Variants in NAALAD2 observed in about 807,000 individuals in gnomAD.
The protein encoded by NAALAD2 is N-acetylated-alpha-linked acidic dipeptidase 2.
A neutral mutation model predicts 95.6 loss-of-function variants in NAALAD2; 89 were observed. The observed-to-expected ratio is 0.93, with a 90% CI of 0.78 to 1.11. The LOEUF (loss-of-function observed/expected upper bound fraction) is 1.11. Among genes scored for constraint, NAALAD2 ranks in the 50% least tolerant of loss-of-function variants. NAALAD2 has a pLI of 0.00. For synonymous variants in NAALAD2, 264 were observed against 294.4 expected, an observed-to-expected ratio of 0.90 and a Z score of 1.06; for missense variants, 894 against 872.4, an observed-to-expected ratio of 1.02 and a Z score of -0.31.
chr11:90,168,946 C>T lies in NAALAD2; in HGVS notation c.1296C>T (p.Leu432=), dbSNP rs776553527. Residue 432 remains leucine, a synonymous_variant, in exon 12 of 19, where the codon CTC becomes CTT. Coordinates refer to ENST00000534061, the MANE Select transcript of NAALAD2 (RefSeq NM_005467.4). ...AACTACAGGAGAATGTCAAAATACT[C>T]CAGGAGAGAAGCATTGCTTATATCA... The part of the protein sequence containing the change: ...TEWAEENVKI[L]QERSIAYINS... The T allele has an allele frequency of 1.4e-5, 23 of 1,607,868 alleles. No homozygotes were observed. The highest frequency in any genetic ancestry group is 2.0e-5 in the Non-Finnish European group (23 of 1,177,532).
chr11:90,163,441 T>C lies in NAALAD2; in HGVS notation c.1195+12T>C. 6.2e-7 allele frequency: 1 copy of C among 1,613,866 alleles called. No homozygotes were observed. The highest frequency in any genetic ancestry group is 8.5e-7 in the Non-Finnish European group (1 of 1,179,890). On this transcript the variant is annotated intron_variant, in intron 10 of 18. Transcript: ENST00000534061. ...ACTGATGAGTAAAGGTAAACAACCT[T>C]TCTTTCCTAGGTGATGACAAAAAGT... is the stretch of plus-strand genomic sequence containing the variant.
At chr11:90,157,511 A>G (rs1952150792) in intron 6 of NAALAD2, among the ~76,000 whole-genome samples, 1 of 152,072 alleles carries the variant, frequency 6.6e-6, no homozygotes, top group Admixed American at 6.6e-5. Flanking sequence ...AGAATCTGGG[A>G]CACATTTTCT....
intron 1 of NAALAD2, chr11:90,135,122 A>AG (rs1049703242): frequency 1.8e-5 from 7 of 390,544 alleles, no homozygotes; most frequent in African/African-American, 6.1e-5. Flanking sequence ...ATGAAAAAAA[A>AG]TCGTTTTATT....
chr11:90,163,669 A>C, intron 11 of NAALAD2, 52 bp downstream of exon 11: 1 of 1,483,386 alleles, frequency 6.7e-7, no homozygotes, highest in Non-Finnish European at 9.4e-7. Flanking sequence ...CAGGGAACAA[A>C]TATGTATGTG....
At chr11:90,140,327 G>A (rs983228560) in intron 2 of NAALAD2, among the ~76,000 whole-genome samples, 1 of 152,004 alleles carries the variant, frequency 6.6e-6, no homozygotes, top group African/African-American at 2.4e-5. Flanking sequence ...GCACCATGTA[G>A]TCTGTAACTG....
At chr11:90,190,557 A>AAG (rs1857293947) in intron 18 of NAALAD2, among the ~76,000 whole-genome samples, 1 of 152,172 alleles carries the variant, frequency 6.6e-6, no homozygotes, top group Admixed American at 6.5e-5. Context: ...AATTCTCCAG[A>AAG]AGAGGGTAAG....
chr11:90,182,650 T>A (rs1743921309), intron 17 of NAALAD2, among the ~76,000 whole-genome samples: 1 of 151,904 alleles, frequency 6.6e-6, no homozygotes, highest in South Asian at 2.1e-4. Flanking sequence ...GTATAGAATG[T>A]CTTTGAGTCC....
At chr11:90,182,175 A>AT (rs1024745483) in intron 17 of NAALAD2, among the ~76,000 whole-genome samples, 83 of 151,914 alleles carry the variant, frequency 5.5e-4, no homozygotes, top group African/African-American at 1.8e-3. Context: ...TTCATGGATA[A>AT]TTTTTTTTGC....
chr11:90,160,562 T>C (rs1247890745), intron 8 of NAALAD2, among the ~76,000 whole-genome samples: 1 of 152,206 alleles, frequency 6.6e-6, no homozygotes, highest in Non-Finnish European at 1.5e-5. Flanking sequence ...GTTTGATTTA[T>C]ATGTGTTTAT....
At position 90,143,017 on chromosome 11, in the gene NAALAD2, T is replaced by C. The variant is rs572468814; in HGVS notation, c.195-4313T>C. ...ATTTACTCTCTCCCCCACCATCCTTTATAAAGTAGCTGTCATATGTATTAT... is the reference window on the plus strand; with the variant it reads ...ATTTACTCTCTCCCCCACCATCCTTCATAAAGTAGCTGTCATATGTATTAT... On this transcript the variant is annotated intron_variant, in intron 2 of 18. Coordinates refer to ENST00000534061, the MANE Select transcript of NAALAD2 (RefSeq NM_005467.4). Among the ~76,000 whole-genome samples the C allele has an allele frequency of 2.0e-5, 3 of 152,198 alleles. No homozygotes were observed. In the South Asian group the frequency reaches 6.2e-4, roughly 32 times the overall value.
chr11:90,137,205 G>A (rs1329535828), intron 2 of NAALAD2, among the ~76,000 whole-genome samples: 2 of 152,056 alleles, frequency 1.3e-5, no homozygotes, highest in African/African-American at 4.8e-5. Context: ...CCAGAAACTA[G>A]AAGGGTAGTG....
At chr11:90,135,453 G>T in intron 1 of NAALAD2, 106 bp from the exon 2 acceptor site, 2 of 605,102 alleles carry the variant, frequency 3.3e-6, no homozygotes, top group East Asian at 5.7e-5. Flanking sequence ...CTACTTGTCA[G>T]ATAAAGGCTT....
At chr11:90,156,439 T>G (rs1358015749) in intron 6 of NAALAD2, among the ~76,000 whole-genome samples, 2 of 152,152 alleles carry the variant, frequency 1.3e-5, no homozygotes, top group African/African-American at 4.8e-5. Context: ...TTATTTGTTC[T>G]TTTTCTAGTT....
intron 6 of NAALAD2, among the ~76,000 whole-genome samples, chr11:90,153,413 T>C (rs1951943154): frequency 6.6e-6 from 1 of 152,186 alleles, no homozygotes; most frequent in Admixed American, 6.6e-5. Context: ...CAGCAATGTA[T>C]GAGTGTTCTA....
At chr11:90,165,063 A>G (rs747765013) in intron 11 of NAALAD2, among the ~76,000 whole-genome samples, 1 of 152,132 alleles carries the variant, frequency 6.6e-6, no homozygotes, top group Non-Finnish European at 1.5e-5. Flanking sequence ...AAGTGAGAAC[A>G]TGTGGTATTT....
chr11:90,191,670 AAAG>A lies in NAALAD2; in HGVS notation c.2150_2152del (p.Glu717del). The stretch of plus-strand genomic sequence containing the variant: ...TAAAGCCAACTCTCGTTTGGCCTGG[AAAG>A]AAGTAAAGAAACATATTTCTATTGC... On this transcript the variant is annotated inframe_deletion, in exon 19 of 19. Coordinates refer to ENST00000534061, the MANE Select transcript of NAALAD2 (RefSeq NM_005467.4). The A allele has an allele frequency of 1.2e-6, 2 of 1,602,320 alleles. No individual in the cohort carries two copies. Among genetic ancestry groups the A allele is most frequent in the East Asian group, 4.5e-5 (2 of 44,466 alleles).
upstream of NAALAD2, among the ~76,000 whole-genome samples, chr11:90,133,694 A>G (rs921513094): frequency 3.9e-5 from 6 of 152,216 alleles, no homozygotes; most frequent in African/African-American, 1.4e-4. Context: ...AGAATATGCA[A>G]TGGCCTGGGA....
chr11:90,151,184 C>A (rs1021707263), intron 5 of NAALAD2, among the ~76,000 whole-genome samples: 1 of 152,068 alleles, frequency 6.6e-6, no homozygotes, highest in Non-Finnish European at 1.5e-5. Context: ...TTACTGTGAG[C>A]ATGTTACTTA....
intron 14 of NAALAD2, among the ~76,000 whole-genome samples, chr11:90,175,428 T>C (rs1045695758): frequency 6.6e-6 from 1 of 152,222 alleles, no homozygotes; most frequent in Non-Finnish European, 1.5e-5. Context: ...TTACATTTTA[T>C]TTATGTATAT....
Sources: allele counts gnomAD v4.1 joint callset (sites outside exome capture counted in the v4.1 genomes callset), GRCh38; gene constraint gnomAD v4.1.1; transcripts MANE v1.5; gene names NCBI Gene and HGNC (gene_info 2026-07-23, HGNC 2026-07-21).